The following HS3ST5 variants were observed in gnomAD, a reference collection of about 807,000 sequenced individuals.
The protein encoded by HS3ST5 is heparan sulfate glucosamine 3-O-sulfotransferase 5.
In HS3ST5, 10 loss-of-function variants were observed where a neutral mutation model predicts 25.4. That is an observed-to-expected ratio of 0.39 (90% CI 0.24 to 0.67). The LOEUF is 0.67. Among genes scored for constraint, HS3ST5 ranks in the 30% least tolerant of loss-of-function variants. HS3ST5 has a pLI of 0.44. For missense variants in HS3ST5, 324 were observed against 420.7 expected (o/e 0.77, Z 2.01); for synonymous variants, 170 against 162.4 (o/e 1.05, Z -0.36).
At chr6:114,088,258 T>G (rs1163434418) in intron 3 of HS3ST5, among the ~76,000 whole-genome samples, 2 of 152,194 alleles carry the variant, frequency 1.3e-5, no homozygotes, top group African/African-American at 2.4e-5. Context: ...GTAATTCACA[T>G]CTGGCTGTAA....
intron 1 of HS3ST5, among the ~76,000 whole-genome samples, chr6:114,229,199 A>C (rs140091226): frequency 2.0e-5 from 3 of 152,222 alleles, no homozygotes; most frequent in Non-Finnish European, 2.9e-5. Flanking sequence ...TAATTTTGCT[A>C]TATTTCCTTT....
At chr6:114,162,173 TTGCTAAAAGAAG>T (rs1350043919) in intron 3 of HS3ST5, among the ~76,000 whole-genome samples, 2 of 152,178 alleles carry the variant, frequency 1.3e-5, no homozygotes, top group African/African-American at 4.8e-5. Flanking sequence ...CCTTTAGATT[TTGCTAAAAGAAG>T]TGCTACGTCG....
chr6:114,150,833 G>A (rs550907449), intron 3 of HS3ST5, among the ~76,000 whole-genome samples: 5 of 152,254 alleles, frequency 3.3e-5, no homozygotes, highest in African/African-American at 1.2e-4. Context: ...AGAAGGAATC[G>A]TCAAATTGTC....
intron 3 of HS3ST5, among the ~76,000 whole-genome samples, chr6:114,120,060 A>C (rs1004358756): frequency 6.6e-6 from 1 of 152,058 alleles, no homozygotes; most frequent in Admixed American, 6.6e-5. Flanking sequence ...CAGGAGAATC[A>C]CTTGAACCTG....
At chr6:114,260,399 A>C (rs1773119520) in intron 1 of HS3ST5, among the ~76,000 whole-genome samples, 1 of 152,220 alleles carries the variant, frequency 6.6e-6, no homozygotes. Context: ...TTAACTATAA[A>C]TAATGCTTAA....
intron 2 of HS3ST5, among the ~76,000 whole-genome samples, chr6:114,218,756 A>C (rs898338761): frequency 1.3e-5 from 2 of 152,188 alleles, no homozygotes; most frequent in African/African-American, 4.8e-5. Context: ...TTTATGTCCA[A>C]AGTCTAAATC....
At chr6:114,190,000 T>C (rs1780420330) in intron 2 of HS3ST5, among the ~76,000 whole-genome samples, 1 of 152,178 alleles carries the variant, frequency 6.6e-6, no homozygotes, top group African/African-American at 2.4e-5. Context: ...CCTCAAGAAA[T>C]GTGATTGCCA....
chr6:114,210,568 C>T (rs958149840), intron 2 of HS3ST5, among the ~76,000 whole-genome samples: 6 of 152,284 alleles, frequency 3.9e-5, no homozygotes, highest in Middle Eastern at 3.4e-3. Context: ...TGGACCATAA[C>T]AGCATTATAG....
chr6:114,091,288 A>G (rs1455812432), intron 3 of HS3ST5, among the ~76,000 whole-genome samples: 7 of 152,220 alleles, frequency 4.6e-5, no homozygotes, highest in Admixed American at 4.6e-4. Flanking sequence ...TTGAGCAAAC[A>G]GTTTGATTAA....
At chr6:114,229,803 G>A (rs1771488650) in intron 1 of HS3ST5, among the ~76,000 whole-genome samples, 1 of 152,134 alleles carries the variant, frequency 6.6e-6, no homozygotes, top group African/African-American at 2.4e-5. Flanking sequence ...ATGCTTTCGG[G>A]ATAGAGCAGC....
intron 1 of HS3ST5, among the ~76,000 whole-genome samples, chr6:114,341,886 C>T (rs1418421612): frequency 1.3e-5 from 2 of 152,144 alleles, no homozygotes; most frequent in Admixed American, 6.5e-5. Context: ...AAAGAGAGCG[C>T]TACCCAGCGC....
At position 114,118,819 on chromosome 6, in the gene HS3ST5, C is replaced by T. The variant is rs556515632; in HGVS notation, c.-33+49532G>A. Among the ~76,000 whole-genome samples, 3 of 152,228 alleles carry T rather than the reference C, an allele frequency of 2.0e-5. No homozygotes were observed. The East Asian group carries it at 5.8e-4, about 29-fold the overall frequency. ...ACATGAGCAGAAATGGCACATGTTA[C>T]CTCTAGGTGAGAGCTTTAACAGTTG... On this transcript the variant is annotated intron_variant, in intron 3 of 4. Coordinates refer to ENST00000312719, the MANE Select transcript of HS3ST5 (RefSeq NM_153612.4).
intron 3 of HS3ST5, among the ~76,000 whole-genome samples, chr6:114,166,030 A>C (rs1203723126): frequency 6.6e-6 from 1 of 152,240 alleles, no homozygotes; most frequent in African/African-American, 2.4e-5. Context: ...AACTTTAAAA[A>C]ATAAATAAAT....
intron 3 of HS3ST5, among the ~76,000 whole-genome samples, chr6:114,117,818 A>T (rs1471162913): frequency 6.6e-6 from 1 of 152,158 alleles, no homozygotes; most frequent in Non-Finnish European, 1.5e-5. Context: ...GCCCTGTATA[A>T]CTACCCCTTC....
At chr6:114,282,100 T>C (rs1318616119) in intron 1 of HS3ST5, 1 of 152,030 alleles carries the variant, frequency 6.6e-6, no homozygotes, top group East Asian at 1.9e-4. Flanking sequence ...TATGAGTTTA[T>C]GGGTATGTAT....
chr6:114,341,207 AATAGG>A (rs1776832751), intron 1 of HS3ST5, among the ~76,000 whole-genome samples: 2 of 54,256 alleles, frequency 3.7e-5, no homozygotes, highest in African/African-American at 9.4e-5. Flanking sequence ...AGGGAGAGGG[AATAGG>A]GAGAGAGGGG....
chr6:114,239,843 T>G (rs1431771106), intron 1 of HS3ST5, among the ~76,000 whole-genome samples: 1 of 152,300 alleles, frequency 6.6e-6, no homozygotes, highest in Non-Finnish European at 1.5e-5. Context: ...ATTTGTTTAA[T>G]TAGGAACATT....
At chr6:114,198,011 G>C (rs1459257564) in intron 2 of HS3ST5, among the ~76,000 whole-genome samples, 1 of 152,104 alleles carries the variant, frequency 6.6e-6, no homozygotes, top group Admixed American at 6.6e-5. Flanking sequence ...GGAGATCCAA[G>C]AGAAAGTTGA....
chr6:114,145,855 A>T (rs1176725603), intron 3 of HS3ST5, among the ~76,000 whole-genome samples: 2 of 152,236 alleles, frequency 1.3e-5, no homozygotes, highest in Non-Finnish European at 2.9e-5. Flanking sequence ...GCAGTGCTGT[A>T]TCTATCATAG....
Sources: allele counts gnomAD v4.1 joint callset (sites outside exome capture counted in the v4.1 genomes callset), GRCh38; gene constraint gnomAD v4.1.1; transcripts MANE v1.5; gene names NCBI Gene and HGNC (gene_info 2026-07-23, HGNC 2026-07-21).